Variants in TCF12 observed in about 807,000 individuals in gnomAD.
The protein encoded by TCF12 is DNA-binding protein HTF4.
Under a neutral mutation model 86.0 loss-of-function variants are expected in TCF12, and 45 were observed. That is an observed-to-expected ratio of 0.52 (90% confidence interval 0.41 to 0.67). The LOEUF (loss-of-function observed/expected upper bound fraction) is 0.67, where lower values mean the gene tolerates loss of function less well. Among genes scored for constraint, TCF12 ranks in the 30% least tolerant of loss-of-function variants. TCF12 has a pLI of 0.00. For missense variants in TCF12, 881 were observed against 859.9 expected (o/e 1.02, Z -0.31); for synonymous variants, 330 against 299.6 (o/e 1.10, Z -1.05).
chr15:56,984,888 G>A (rs1229933969), intron 3 of TCF12, among the ~76,000 whole-genome samples: 1 of 152,136 alleles, frequency 6.6e-6, no homozygotes, highest in Non-Finnish European at 1.5e-5. Flanking sequence ...TGTTTGTTAA[G>A]AACCTTTGTA....
chr15:57,113,671 G>A (rs998030095), intron 5 of TCF12, among the ~76,000 whole-genome samples: 1 of 151,134 alleles, frequency 6.6e-6, no homozygotes, highest in East Asian at 1.9e-4. Flanking sequence ...GGGCTCAGTC[G>A]CTTAACACCT....
chr15:57,258,138 A>T (rs1315153063), intron 16 of TCF12, among the ~76,000 whole-genome samples: 2 of 152,184 alleles, frequency 1.3e-5, no homozygotes, highest in Admixed American at 6.5e-5. Flanking sequence ...CATCTTAGCC[A>T]CATGTGGTGG....
intron 3 of TCF12, among the ~76,000 whole-genome samples, chr15:57,003,931 G>A (rs1203162263): frequency 6.6e-6 from 1 of 152,136 alleles, no homozygotes; most frequent in Non-Finnish European, 1.5e-5. Context: ...CTTTTCTTGA[G>A]ATTCCATTTT....
At position 57,263,287 on chromosome 15, in the gene TCF12, A is replaced by G; in HGVS notation, c.1745+13A>G. The stretch of plus-strand genomic sequence containing the variant: ...GAGGCAGAACAAGGTATTTGTTAGC[A>G]TCCAGGTTTTAAATTTTATTCATTT... On this transcript the variant is annotated intron_variant, in intron 18 of 20. Coordinates refer to ENST00000333725, the MANE Select transcript of TCF12 (RefSeq NM_207037.2). 1 of 1,593,406 alleles carries G rather than the reference A, an allele frequency of 6.3e-7. No individual in the cohort carries two copies. Among genetic ancestry groups the G allele is most frequent in the Non-Finnish European group, 8.5e-7 (1 of 1,175,642 alleles).
At chr15:57,116,824 T>C (rs2050871826) in intron 5 of TCF12, among the ~76,000 whole-genome samples, 1 of 152,194 alleles carries the variant, frequency 6.6e-6, no homozygotes, top group African/African-American at 2.4e-5. Flanking sequence ...ATTTAATAGC[T>C]GAGAAGGAAG....
At chr15:56,974,306 G>A (rs966629015) in intron 3 of TCF12, among the ~76,000 whole-genome samples, 7 of 151,910 alleles carry the variant, frequency 4.6e-5, no homozygotes, top group African/African-American at 1.7e-4. Flanking sequence ...AAACAGAGAG[G>A]AAAAAATGGT....
chr15:57,234,732 C>T (rs145768581), intron 12 of TCF12, among the ~76,000 whole-genome samples: 71 of 152,282 alleles, frequency 4.7e-4, no homozygotes, highest in African/African-American at 1.3e-3. Flanking sequence ...TCTCCTCTTT[C>T]GGAATGCCAA....
At chr15:56,926,478 A>G (rs1463464813) in intron 3 of TCF12, among the ~76,000 whole-genome samples, 1 of 152,186 alleles carries the variant, frequency 6.6e-6, no homozygotes, top group African/African-American at 2.4e-5. Flanking sequence ...CTTAAGGAAA[A>G]CTCAAAAATG....
chr15:56,959,237 C>T (rs2140535762), intron 3 of TCF12, among the ~76,000 whole-genome samples: 1 of 152,254 alleles, frequency 6.6e-6, no homozygotes, highest in African/African-American at 2.4e-5. Flanking sequence ...CTGGCATTCT[C>T]TTTGGTATAT....
chr15:57,170,554 A>C (rs1022714790), intron 6 of TCF12, among the ~76,000 whole-genome samples: 1 of 141,306 alleles, frequency 7.1e-6, no homozygotes, highest in African/African-American at 2.7e-5. Context: ...ACATAACAAA[A>C]GGTTATTTGG....
chr15:57,141,380 G>A (rs528962710), intron 5 of TCF12, among the ~76,000 whole-genome samples: 19 of 152,250 alleles, frequency 1.2e-4, no homozygotes, highest in Non-Finnish European at 2.5e-4. Context: ...ATGGGGTTTA[G>A]CTCTTGATGC....
intron 8 of TCF12, among the ~76,000 whole-genome samples, chr15:57,225,117 G>A (rs981482301): frequency 3.3e-5 from 5 of 150,608 alleles, no homozygotes; most frequent in Non-Finnish European, 7.4e-5. Flanking sequence ...TATTTTCTTT[G>A]GGATTACGTT....
At chr15:57,075,804 T>TTCTCTCTTTCTCTCTCTCTCTC (rs2069889936) in intron 4 of TCF12, among the ~76,000 whole-genome samples, 1 of 28,588 alleles carries the variant, frequency 3.5e-5, no homozygotes, top group Non-Finnish European at 6.4e-5. Flanking sequence ...CTTTCTTTCT[T>TTCTCTCTTTCTCTCTCTCTCTC]TCTCTCTCTC....
At chr15:57,016,107 TTA>T (rs1286041364) in intron 3 of TCF12, among the ~76,000 whole-genome samples, 21 of 152,188 alleles carry the variant, frequency 1.4e-4, no homozygotes, top group Admixed American at 1.4e-3. Context: ...TGCAGGTAGT[TTA>T]TCTCTAGGAT....
intron 3 of TCF12, among the ~76,000 whole-genome samples, chr15:56,971,431 GA>G (rs199556686): frequency 6.0e-5 from 9 of 149,366 alleles, no homozygotes; most frequent in African/African-American, 2.2e-4. Context: ...TCTCAAAAAA[GA>G]AAAAAAAAGA....
rs549453023 is a variant in TCF12, at chr15:56,959,851, A to G, written c.148+38753A>G. On this transcript the variant is annotated intron_variant, in intron 3 of 20. Transcript: ENST00000333725. ...GGTACAAGCAAAACACTCCTTATAT[A>G]TTGAATTAGAAGTTCACAGGCATCT... 3.3e-5 allele frequency among the ~76,000 whole-genome samples: 5 copies of G among 152,268 alleles called. No homozygotes were observed. The East Asian group carries it at 9.7e-4, about 29-fold the overall frequency.
At chr15:57,068,930 T>A (rs1216347788) in intron 4 of TCF12, among the ~76,000 whole-genome samples, 1 of 152,168 alleles carries the variant, frequency 6.6e-6, no homozygotes, top group African/African-American at 2.4e-5. Flanking sequence ...AAGTGAGAAC[T>A]GCTATTATAT....
rs142300277 is a variant in TCF12, at chr15:57,246,798, G to A, written c.1114+3248G>A. ...TGAACAAGAATGGTTTCCTGTTTCAGCTGCAGTAACTTTTCTGACTATGGA... is the reference window on the plus strand; with the variant it reads ...TGAACAAGAATGGTTTCCTGTTTCAACTGCAGTAACTTTTCTGACTATGGA... On this transcript the variant is annotated intron_variant, in intron 13 of 20. Coordinates refer to ENST00000333725, the MANE Select transcript of TCF12 (RefSeq NM_207037.2). Among the ~76,000 whole-genome samples the A allele has an allele frequency of 3.9e-3, 588 of 152,264 alleles. 2 individuals carry two copies. The highest frequency in any genetic ancestry group is 0.014 in the African/African-American group (570 of 41,554).
intron 8 of TCF12, chr15:57,219,623 A>G: frequency 1.2e-6 from 2 of 1,600,184 alleles, no homozygotes; most frequent in Non-Finnish European, 1.7e-6. Context: ...CTTCTAACTC[A>G]CTTGTTTAAA....
Sources: gnomAD v4.1 joint callset for allele counts (sites outside exome capture counted in the v4.1 genomes callset) on GRCh38, gnomAD v4.1.1 for gene constraint, MANE v1.5 for transcripts, NCBI Gene and HGNC (gene_info 2026-07-23, HGNC 2026-07-21) for gene names.